Variants in SYTL5 observed in about 807,000 individuals in gnomAD.
SYTL5 encodes synaptotagmin-like protein 5.
SYTL5 carries 34 observed loss-of-function variants against 55.9 expected under a neutral mutation model. That is an observed-to-expected ratio of 0.61 (90% CI 0.46 to 0.81). The LOEUF is 0.81. Among genes scored for constraint, SYTL5 ranks in the 30% least tolerant of loss-of-function variants. The pLI, the probability that SYTL5 is intolerant of heterozygous loss-of-function variation, is 0.00. For missense variants in SYTL5, 637 were observed against 546.7 expected, an observed-to-expected ratio of 1.17 and a Z score of -1.65; for synonymous variants, 221 against 188.7, an observed-to-expected ratio of 1.17 and a Z score of -1.40.
At position 38,071,119 on chromosome X, in the gene SYTL5, A is replaced by G. The variant is rs576496816; in HGVS notation, c.330-928A>G. On this transcript the variant is annotated intron_variant, in intron 3 of 16. Transcript: ENST00000297875. The stretch of plus-strand genomic sequence containing the variant: ...TGTGAAAGACTTTCTTGTAGGTACT[A>G]TGGAAAACAAAAGATGAAGCAGACA... 8.0e-5 allele frequency among the ~76,000 whole-genome samples: 9 copies of G among 112,276 alleles called. No homozygotes were observed. The South Asian group carries it at 2.6e-3, about 32-fold the overall frequency.
At chrX:37,899,516 A>C in the SYTL5 span, among the ~76,000 whole-genome samples, 1 of 112,358 alleles carries the variant, frequency 8.9e-6, no homozygotes, top group Non-Finnish European at 1.9e-5. Context: ...AAGGTGCTAG[A>C]TTCAGTGAGC....
At chrX:38,037,886 G>A (rs947819252) in intron 2 of SYTL5, among the ~76,000 whole-genome samples, 1 of 111,085 alleles carries the variant, frequency 9.0e-6, no homozygotes, top group Admixed American at 9.6e-5. Context: ...AGGCTGAGAA[G>A]TTCAGACCTA....
rs146305152 is a variant in SYTL5, at chrX:38,045,561, C to A, written c.120-8652C>A. ...TCCTATGAGCCAAGCTTTTTAATAT[C>A]AGGAAGTTTCTTCTGCAGATATGAA... On this transcript the variant is annotated intron_variant, in intron 2 of 16. Coordinates refer to ENST00000297875, the MANE Select transcript of SYTL5 (RefSeq NM_138780.3). Among the ~76,000 whole-genome samples the A allele has an allele frequency of 2.7e-3, 306 of 111,786 alleles. 2 individuals are homozygous for A. Among genetic ancestry groups the A allele is most frequent in the African/African-American group, 8.9e-3 (273 of 30,796 alleles).
At chrX:37,998,834 G>A in the SYTL5 span, among the ~76,000 whole-genome samples, 4 of 112,152 alleles carry the variant, frequency 3.6e-5, no homozygotes, top group Non-Finnish European at 7.5e-5. Context: ...TTTCCTTAAA[G>A]TACCTGTCTG....
chrX:37,957,543 C>T, the SYTL5 span, among the ~76,000 whole-genome samples: 1 of 111,915 alleles, frequency 8.9e-6, no homozygotes, highest in Non-Finnish European at 1.9e-5. Flanking sequence ...GACTCTTTCC[C>T]AGTTGAGTGT....
At position 38,054,302 on chromosome X, in the gene SYTL5, A is replaced by T; in HGVS notation, c.209A>T (p.Asn70Ile). 1.7e-6 allele frequency: 2 copies of T among 1,210,917 alleles called. No individual in the cohort carries two copies. The highest frequency in any genetic ancestry group is 2.2e-6 in the Non-Finnish European group (2 of 895,144). ...ASRVCVHCHR[N>I]LGLIFDRGDP... ...AGAGTTTGTGTTCACTGTCACAGAA[A>T]CCTGGGCCTAATCTTTGACCGGGGA... is the stretch of plus-strand genomic sequence containing the variant. The change falls in exon 3 of 17, where the codon AAC becomes ATC. Residue 70 changes from asparagine to isoleucine, a missense_variant. Transcript: ENST00000297875.
intron 6 of SYTL5, among the ~76,000 whole-genome samples, chrX:38,088,320 T>C (rs1453953694): frequency 8.9e-6 from 1 of 112,208 alleles, no homozygotes; most frequent in Non-Finnish European, 1.9e-5. Context: ...CTGTAAGTCC[T>C]CATCACTATT....
At chrX:38,013,399 C>T (rs1934250107) in intron 1 of SYTL5, among the ~76,000 whole-genome samples, 1 of 111,853 alleles carries the variant, frequency 8.9e-6, no homozygotes, top group African/African-American at 3.3e-5. Flanking sequence ...GATAATCTTT[C>T]ACTGCTTATA....
the SYTL5 span, among the ~76,000 whole-genome samples, chrX:37,915,502 AC>A: frequency 8.9e-6 from 1 of 112,217 alleles, no homozygotes; most frequent in Non-Finnish European, 1.9e-5. Flanking sequence ...TACTCTATGT[AC>A]TTTTTAATTA....
the SYTL5 span, among the ~76,000 whole-genome samples, chrX:37,959,064 G>A: frequency 7.2e-5 from 8 of 111,272 alleles, no homozygotes; most frequent in African/African-American, 2.6e-4. Flanking sequence ...GTTCTCCCAA[G>A]GGGACTGAAT....
the SYTL5 span, among the ~76,000 whole-genome samples, chrX:37,978,568 A>G: frequency 8.9e-6 from 1 of 111,860 alleles, no homozygotes; most frequent in African/African-American, 3.2e-5. Context: ...TTTAATTTTC[A>G]TTTTCTATGG....
chrX:38,101,452 C>A (rs192082218), intron 9 of SYTL5, among the ~76,000 whole-genome samples: 1 of 110,853 alleles, frequency 9.0e-6, no homozygotes, highest in Non-Finnish European at 1.9e-5. Flanking sequence ...TACTTATACT[C>A]AGATTTGTGT....
chrX:37,892,510 A>C, the SYTL5 span, among the ~76,000 whole-genome samples: 4 of 99,891 alleles, frequency 4.0e-5, no homozygotes, highest in Non-Finnish European at 8.0e-5. Context: ...ATAGTATAGT[A>C]TGTTATATAT....
At chrX:38,060,715 C>T (rs1000867010) in intron 3 of SYTL5, among the ~76,000 whole-genome samples, 1 of 111,992 alleles carries the variant, frequency 8.9e-6, no homozygotes, top group Non-Finnish European at 1.9e-5. Flanking sequence ...AATGCATTTG[C>T]CCTCTGAACA....
At chrX:37,991,135 A>T in the SYTL5 span, 20 of 1,209,482 alleles carry the variant, frequency 1.7e-5, no homozygotes, top group Admixed American at 2.2e-5. Flanking sequence ...CACAGCGCTG[A>T]GAGTGATGTG....
the SYTL5 span, among the ~76,000 whole-genome samples, chrX:37,969,562 C>T: frequency 3.6e-5 from 4 of 112,029 alleles, no homozygotes; most frequent in African/African-American, 1.3e-4. Context: ...CAATTTTTCT[C>T]CCTTACTTAG....
At chrX:38,102,581 A>G in intron 10 of SYTL5, 147 bp downstream of exon 10, 1 of 453,999 alleles carries the variant, frequency 2.2e-6, no homozygotes, top group Non-Finnish European at 3.8e-6. Context: ...CTTTGCCCAC[A>G]GAGTACATTT....
rs762572792 is a variant in SYTL5 at position 38,126,110 on chromosome X, A to G, written c.2051-478A>G. ...CCTAACTCTCATTATCCCATAGCCT[A>G]AGCCAGACATAGATGAGACCATCAG... On this transcript the variant is annotated intron_variant, in intron 16 of 16. Coordinates refer to ENST00000297875, the MANE Select transcript of SYTL5 (RefSeq NM_138780.3). Among the ~76,000 whole-genome samples, 5 of 112,171 alleles carry G rather than the reference A, an allele frequency of 4.5e-5. 1 individual carries two copies. In the Admixed American group the frequency reaches 4.7e-4, roughly 11 times the overall value.
the SYTL5 span, among the ~76,000 whole-genome samples, chrX:37,949,698 A>T: frequency 8.9e-6 from 1 of 112,153 alleles, no homozygotes; most frequent in Non-Finnish European, 1.9e-5. Context: ...AAAAAAGGAA[A>T]ATATACACTA....
Sources: allele counts gnomAD v4.1 joint callset (sites outside exome capture counted in the v4.1 genomes callset), GRCh38; gene constraint gnomAD v4.1.1; transcripts MANE v1.5; gene names NCBI Gene and HGNC (gene_info 2026-07-23, HGNC 2026-07-21).